The following PHACTR2 variants were observed in gnomAD, a reference collection of about 807,000 sequenced individuals.
The protein encoded by PHACTR2 is phosphatase and actin regulator 2.
A neutral mutation model predicts 76.0 loss-of-function variants in PHACTR2; 30 were observed. The ratio of observed to expected loss-of-function variants is 0.39; its 90% CI spans 0.30 to 0.54. The LOEUF (loss-of-function observed/expected upper bound fraction) is 0.54. PHACTR2 is among the 20% of genes least tolerant of loss of function. The pLI is 0.61. For missense variants in PHACTR2, 696 were observed against 781.1 expected, an observed-to-expected ratio of 0.89 and a Z score of 1.30; for synonymous variants, 292 against 292.5, an observed-to-expected ratio of 1.00 and a Z score of 0.02.
Position 143,782,773 on chromosome 6 carries a change from G to A in PHACTR2, c.1646-446G>A, listed in dbSNP as rs1430436301. On this transcript the variant is annotated intron_variant, in intron 9 of 12. Coordinates refer to ENST00000440869, the MANE Select transcript of PHACTR2 (RefSeq NM_001100164.2). The surrounding 1 kb of genome is among the most constrained non-coding windows in gnomAD (Gnocchi z 4.6). ...TCAGCAGCTCAGACATGCATCGGAT[G>A]GTTCTAATTTGCTCTTTTAATATGT... Among the ~76,000 whole-genome samples the A allele has an allele frequency of 6.6e-6, 1 of 152,100 alleles. No individual in the cohort carries two copies. Among genetic ancestry groups the A allele is most frequent in the Non-Finnish European group, 1.5e-5 (1 of 68,022 alleles).
intron 1 of PHACTR2, among the ~76,000 whole-genome samples, chr6:143,687,908 A>G (rs1777558187): frequency 6.6e-6 from 1 of 152,212 alleles, no homozygotes; most frequent in Admixed American, 6.5e-5. Flanking sequence ...AACAGTTCCT[A>G]AATTAAAGTT....
chr6:143,747,787 G>A (rs1779097865), intron 2 of PHACTR2, among the ~76,000 whole-genome samples: 1 of 152,146 alleles, frequency 6.6e-6, no homozygotes, highest in South Asian at 2.1e-4. Flanking sequence ...AACACGCTTT[G>A]GGAAATGTTG....
At chr6:143,655,089 G>A (rs148256111) in intron 1 of PHACTR2, among the ~76,000 whole-genome samples, 3,554 of 150,992 alleles carry the variant, frequency 0.024, 52 homozygotes, top group Middle Eastern at 0.038. Flanking sequence ...CCTGGGAGGC[G>A]GAGGTTGCGG....
Position 143,551,613 on chromosome 6 carries a change from A to G in PHACTR2, c.217+14406A>G, listed in dbSNP as rs74996360. On this transcript the variant is annotated intron_variant, in intron 1 of 11. Coordinates refer to the PHACTR2 transcript ENST00000367584. ...GGAAGGAAGGGAGACCTTGGGAACT[A>G]TTGCTTCTATGGGTTGAACATAGGG... Among the ~76,000 whole-genome samples, 1,195 of 152,262 alleles carry G rather than the reference A, an allele frequency of 7.8e-3. 23 individuals carry two copies. The East Asian group carries it at 0.09, about 11-fold the overall frequency.
chr6:143,724,161 A>G (rs1406009259), intron 2 of PHACTR2, among the ~76,000 whole-genome samples: 1 of 151,152 alleles, frequency 6.6e-6, no homozygotes, highest in Non-Finnish European at 1.5e-5. Flanking sequence ...TTTGAGATGG[A>G]GTCTCACTCT....
intron 1 of PHACTR2, among the ~76,000 whole-genome samples, chr6:143,565,140 T>C (rs1200383479): frequency 3.3e-5 from 5 of 152,208 alleles, no homozygotes; most frequent in Non-Finnish European, 7.3e-5. Flanking sequence ...CTCATTTTAA[T>C]GAGCACCTAC....
rs1212552676 is a variant in PHACTR2, at chr6:143,775,154, C to T, written c.1589+939C>T. The stretch of plus-strand genomic sequence containing the variant: ...GACCATTTCTCCAGAGGAAGAGTAA[C>T]CCCTAAGGCACCTCCTTACAGCTGA... On this transcript the variant is annotated intron_variant, in intron 8 of 12. Coordinates refer to ENST00000440869, the MANE Select transcript of PHACTR2 (RefSeq NM_001100164.2). This position sits in a 1 kb window ranked among gnomAD's most constrained non-coding sequence, Gnocchi z 4.4. 3.3e-5 allele frequency among the ~76,000 whole-genome samples: 5 copies of T among 152,076 alleles called. No homozygotes were observed. Among genetic ancestry groups the T allele is most frequent in the Non-Finnish European group, 7.3e-5 (5 of 68,036 alleles).
At chr6:143,704,076 G>GGTGTGTGT (rs1162818666) in intron 1 of PHACTR2, among the ~76,000 whole-genome samples, 4 of 72,930 alleles carry the variant, frequency 5.5e-5, no homozygotes, top group Non-Finnish European at 8.9e-5. Context: ...GTCCATCATG[G>GGTGTGTGT]GTGTGTGTGT....
chr6:143,810,125 G>A (rs1310267231), intron 12 of PHACTR2, among the ~76,000 whole-genome samples: 1 of 151,924 alleles, frequency 6.6e-6, no homozygotes, highest in Non-Finnish European at 1.5e-5. Context: ...AAAAAATTAT[G>A]TATATATTTG....
chr6:143,608,745 T>A lies in PHACTR2; in HGVS notation c.13+423T>A, dbSNP rs953763483. ...ATGCACAGTGTAACAGCATAAGAGC[T>A]CTTTGGTCTGATGCTTTCATCTTCA... On this transcript the variant is annotated intron_variant, in intron 1 of 11. Coordinates refer to the PHACTR2 transcript ENST00000305766. This position sits in a 1 kb window ranked among gnomAD's most constrained non-coding sequence, Gnocchi z 4.6. Among the ~76,000 whole-genome samples, 3 of 152,190 alleles carry A rather than the reference T, an allele frequency of 2.0e-5. No homozygotes were observed. Among genetic ancestry groups the A allele is most frequent in the African/African-American group, 7.2e-5 (3 of 41,444 alleles).
In PHACTR2 at chr6:143,580,504, AAAAC is replaced by A. The variant is rs200224428; in HGVS notation, c.217+43301_217+43304del. ...CGTCTCAAACAAAACAAAACAAAAC[AAAAC>A]AAAAAATACAAACAATTAGCTGGGC... On this transcript the variant is annotated intron_variant, in intron 1 of 11. Transcript: ENST00000367584. The surrounding 1 kb of genome is among the most constrained non-coding windows in gnomAD (Gnocchi z 4.2). 0.29 allele frequency among the ~76,000 whole-genome samples: 43,646 copies of A among 149,748 alleles called. 6,344 individuals are homozygous for A. The highest frequency in any genetic ancestry group is 0.41 in the Middle Eastern group (119 of 292).
chr6:143,579,202 C>A (rs184299451), intron 1 of PHACTR2, among the ~76,000 whole-genome samples: 173 of 152,274 alleles, frequency 1.1e-3, no homozygotes, highest in African/African-American at 4.0e-3. Flanking sequence ...CTGTGACCTG[C>A]TCCAAAACTT....
rs768174279 is a variant in PHACTR2, at chr6:143,553,827, G to A, written c.217+16620G>A. Among the ~76,000 whole-genome samples, 8 of 152,162 alleles carry A rather than the reference G, an allele frequency of 5.3e-5. No individual in the cohort carries two copies. The highest frequency in any genetic ancestry group is 2.1e-4 in the South Asian group (1 of 4,820). On this transcript the variant is annotated intron_variant, in intron 1 of 11. Coordinates refer to the PHACTR2 transcript ENST00000367584. The surrounding 1 kb of genome is among the most constrained non-coding windows in gnomAD (Gnocchi z 4.2). The stretch of plus-strand genomic sequence containing the variant: ...GCAGAGGAAGGGTATAGGTCGTGCC[G>A]GGGTGAAGGTGTGCAGATTGCAACC...
At position 143,760,449 on chromosome 6, in the gene PHACTR2, C is replaced by A. The variant is rs1779410117; in HGVS notation, c.503C>A (p.Pro168His). ...ACACCGGCAGCTCCTGCTCTACCTC[C>A]TTCTGCTCCTCCTAAGCCTAGACCC... Reference protein sequence around the residue: ...SETPAAPALPPSAPPKPRPKP... With the variant: ...SETPAAPALPHSAPPKPRPKP... The change falls in exon 5 of 13, where the codon CCT becomes CAT. Residue 168 changes from proline (P) to histidine (H), a missense_variant. Around this residue, in one of 2 missense-constraint regions of PHACTR2, gnomAD observed 460 missense variants for 450.9 expected, o/e 1.02. Transcript: ENST00000440869. The surrounding 1 kb of genome is among the most constrained non-coding windows in gnomAD (Gnocchi z 6.4). The A allele has an allele frequency of 1.2e-5, 19 of 1,613,628 alleles. No individual in the cohort carries two copies. The highest frequency in any genetic ancestry group is 1.6e-5 in the Non-Finnish European group (19 of 1,179,606).
rs9386040 is a variant in PHACTR2 at position 143,610,226 on chromosome 6, C to T, written c.13+1904C>T. 0.079 allele frequency among the ~76,000 whole-genome samples: 11,962 copies of T among 151,738 alleles called. 526 individuals carry two copies. Among genetic ancestry groups the T allele is most frequent in the East Asian group, 0.21 (1,058 of 5,158 alleles). Reference sequence around the variant, plus strand: ...AATGTAAACATCCATTATATACAGACATTTCAATACATTATATTGACTGTA... The same window carrying T: ...AATGTAAACATCCATTATATACAGATATTTCAATACATTATATTGACTGTA... On this transcript the variant is annotated intron_variant, in intron 1 of 11. Coordinates refer to the PHACTR2 transcript ENST00000305766. This position sits in a 1 kb window ranked among gnomAD's most constrained non-coding sequence, Gnocchi z 4.9.
At chr6:143,634,209 T>A (rs373137135) in intron 1 of PHACTR2, among the ~76,000 whole-genome samples, 11 of 152,306 alleles carry the variant, frequency 7.2e-5, no homozygotes, top group African/African-American at 2.4e-4. Context: ...AAAAATATAA[T>A]TATGGAATTG....
chr6:143,750,859 T>A lies in PHACTR2; in HGVS notation c.295+1794T>A, dbSNP rs1365320489. 6.6e-6 allele frequency among the ~76,000 whole-genome samples: 1 copy of A among 152,204 alleles called. No individual in the cohort carries two copies. Among genetic ancestry groups the A allele is most frequent in the South Asian group, 2.1e-4 (1 of 4,834 alleles). On this transcript the variant is annotated intron_variant, in intron 3 of 12. Coordinates refer to ENST00000440869, the MANE Select transcript of PHACTR2 (RefSeq NM_001100164.2). This position sits in a 1 kb window ranked among gnomAD's most constrained non-coding sequence, Gnocchi z 4.6. Reference sequence around the variant, plus strand: ...AAGCATAATATAATAATAGGCTTAATGTTTGAGAAGTCATAAAATACTAGA... The same window carrying A: ...AAGCATAATATAATAATAGGCTTAAAGTTTGAGAAGTCATAAAATACTAGA...
chr6:143,684,012 A>T lies in PHACTR2; in HGVS notation c.46+5803A>T, dbSNP rs1777458789. 6.6e-6 allele frequency among the ~76,000 whole-genome samples: 1 copy of T among 152,248 alleles called. No individual in the cohort carries two copies. Among genetic ancestry groups the T allele is most frequent in the East Asian group, 1.9e-4 (1 of 5,196 alleles). On this transcript the variant is annotated intron_variant, in intron 1 of 12. Coordinates refer to ENST00000440869, the MANE Select transcript of PHACTR2 (RefSeq NM_001100164.2). The surrounding 1 kb of genome is among the most constrained non-coding windows in gnomAD (Gnocchi z 4.3). ...CTTGTTCTCTTTAATTCTATAAATG[A>T]ACACTATTATAGTATGTGGATATAT... is the stretch of plus-strand genomic sequence containing the variant.
intron 1 of PHACTR2, among the ~76,000 whole-genome samples, chr6:143,693,745 G>A (rs74393587): frequency 0.018 from 2,799 of 152,214 alleles, 85 homozygotes; most frequent in African/African-American, 0.064. Flanking sequence ...TTGAGTAAGA[G>A]GAGGCATTGA....
Sources: gnomAD v4.1 joint callset for allele counts (sites outside exome capture counted in the v4.1 genomes callset) on GRCh38, gnomAD v4.1.1 for gene constraint, gnomAD v4.1.1 regional missense constraint, Gnocchi (gnomAD v3.1) non-coding constraint, MANE v1.5 for transcripts, NCBI Gene and HGNC (gene_info 2026-07-23, HGNC 2026-07-21) for gene names.